PRELID2: variants seen among roughly 807,000 people sequenced by gnomAD.
PRELID2 encodes the protein PRELI domain containing 2.
In PRELID2, 25 loss-of-function variants were observed where a neutral mutation model predicts 28.4. The observed-to-expected ratio is 0.88, with a 90% CI of 0.64 to 1.23. The LOEUF (loss-of-function observed/expected upper bound fraction) is 1.23, where lower values mean the gene tolerates loss of function less well. PRELID2 is among the 50% of genes most tolerant of loss of function. The probability of loss-of-function intolerance (pLI) is 0.00; values close to 1 mark genes in which losing one functional copy is unlikely to be tolerated. For missense variants in PRELID2, 201 were observed against 214.4 expected (o/e 0.94, Z 0.39); for synonymous variants, 76 against 71.6 (o/e 1.06, Z -0.31).
chr5:145,263,296 T>C, the PRELID2 span, among the ~76,000 whole-genome samples: 5 of 151,928 alleles, frequency 3.3e-5, no homozygotes, highest in Non-Finnish European at 5.9e-5. Flanking sequence ...GTCAACATGG[T>C]ATAAAAGAAA....
At chr5:145,420,048 C>T in the PRELID2 span, among the ~76,000 whole-genome samples, 3 of 150,148 alleles carry the variant, frequency 2.0e-5, no homozygotes, top group Admixed American at 6.6e-5. Context: ...TGTAGATATG[C>T]GGCATTATTT....
chr5:145,499,717 T>G (rs1420789444), intron 1 of PRELID2, among the ~76,000 whole-genome samples: 1 of 152,212 alleles, frequency 6.6e-6, no homozygotes, highest in Non-Finnish European at 1.5e-5. Context: ...GTACCTTCTG[T>G]GTTCTAGGAG....
chr5:145,251,151 G>A, the PRELID2 span, among the ~76,000 whole-genome samples: 1 of 151,944 alleles, frequency 6.6e-6, no homozygotes, highest in Non-Finnish European at 1.5e-5. Flanking sequence ...TTTTCTTGAT[G>A]ACCCCAGTAG....
chr5:145,666,924 C>G (rs1464801576), intron 1 of PRELID2, among the ~76,000 whole-genome samples: 1 of 151,972 alleles, frequency 6.6e-6, no homozygotes, highest in Non-Finnish European at 1.5e-5. Flanking sequence ...ATGGCTTATA[C>G]GTGACCAATT....
At chr5:145,272,265 G>A in the PRELID2 span, among the ~76,000 whole-genome samples, 10,717 of 152,112 alleles carry the variant, frequency 0.07, 1,211 homozygotes, top group African/African-American at 0.24. Context: ...TAAGATAGAC[G>A]TCATGGGACT....
At chr5:145,343,250 T>C in the PRELID2 span, among the ~76,000 whole-genome samples, 1 of 151,952 alleles carries the variant, frequency 6.6e-6, no homozygotes, top group Non-Finnish European at 1.5e-5. Context: ...GAACATTCTC[T>C]TAGATAGGCC....
intron 1 of PRELID2, among the ~76,000 whole-genome samples, chr5:145,599,042 C>T (rs1463961398): frequency 6.6e-6 from 1 of 152,104 alleles, no homozygotes; most frequent in African/African-American, 2.4e-5. Context: ...GGTTGTTACC[C>T]TTTCAACTAA....
chr5:145,679,098 C>T (rs1199150489), intron 1 of PRELID2, among the ~76,000 whole-genome samples: 2 of 152,210 alleles, frequency 1.3e-5, no homozygotes, highest in Admixed American at 1.3e-4. Flanking sequence ...GAAAGGCTCT[C>T]TGGACTTCAG....
the PRELID2 span, among the ~76,000 whole-genome samples, chr5:145,375,424 C>A: frequency 6.6e-6 from 1 of 152,156 alleles, no homozygotes; most frequent in East Asian, 1.9e-4. Flanking sequence ...GGGTGTCTGA[C>A]AATCCTTGTT....
the PRELID2 span, among the ~76,000 whole-genome samples, chr5:145,431,006 GTTTTT>G: frequency 3.6e-5 from 2 of 55,538 alleles, no homozygotes; most frequent in African/African-American, 1.2e-4. Context: ...CCTGGCAATG[GTTTTT>G]TTTTTTTTTT....
At chr5:145,581,295 C>T (rs1438515929) in intron 1 of PRELID2, among the ~76,000 whole-genome samples, 3 of 152,050 alleles carry the variant, frequency 2.0e-5, no homozygotes, top group African/African-American at 7.2e-5. Flanking sequence ...TTGTCAATAT[C>T]ATCACACATT....
At chr5:145,543,417 C>T (rs1228901129) in intron 1 of PRELID2, among the ~76,000 whole-genome samples, 3 of 152,066 alleles carry the variant, frequency 2.0e-5, no homozygotes, top group African/African-American at 7.2e-5. Flanking sequence ...ATATATTATA[C>T]ATGGATTTTT....
the PRELID2 span, among the ~76,000 whole-genome samples, chr5:145,342,902 T>TAAAAAAA: frequency 1.6e-5 from 2 of 128,960 alleles, no homozygotes; most frequent in African/African-American, 2.9e-5. Flanking sequence ...TCAAAAACAG[T>TAAAAAAA]AAAAAAAAAA....
At chr5:145,562,516 C>T (rs1752932894) in intron 1 of PRELID2, among the ~76,000 whole-genome samples, 1 of 152,138 alleles carries the variant, frequency 6.6e-6, no homozygotes, top group South Asian at 2.1e-4. Context: ...TGCTTTGGTG[C>T]ACCCATTGCC....
At chr5:145,296,364 C>T in the PRELID2 span, among the ~76,000 whole-genome samples, 3 of 137,140 alleles carry the variant, frequency 2.2e-5, no homozygotes, top group Non-Finnish European at 4.6e-5. Flanking sequence ...ACAACAGTCC[C>T]CAGAGTGTGA....
At chr5:145,578,089 T>A (rs1753076603) in intron 1 of PRELID2, among the ~76,000 whole-genome samples, 2 of 152,162 alleles carry the variant, frequency 1.3e-5, no homozygotes, top group African/African-American at 4.8e-5. Flanking sequence ...TGCCAGTTGC[T>A]ACATCAGCTT....
chr5:145,404,481 C>T, the PRELID2 span, among the ~76,000 whole-genome samples: 1 of 152,162 alleles, frequency 6.6e-6, no homozygotes, highest in African/African-American at 2.4e-5. Flanking sequence ...GCAGAGTGAA[C>T]ACCAAGGTGA....
chr5:145,231,548 TA>T, the PRELID2 span, among the ~76,000 whole-genome samples: 110 of 152,316 alleles, frequency 7.2e-4, no homozygotes, highest in African/African-American at 2.4e-3. Flanking sequence ...ACAGTTTGTA[TA>T]AATAAATAAT....
At chr5:145,468,540 A>T (rs1752023762), downstream of PRELID2, among the ~76,000 whole-genome samples, 1 of 152,168 alleles carries the variant, frequency 6.6e-6, no homozygotes, top group African/African-American at 2.4e-5. Context: ...CCTATAGTGT[A>T]AAAGTGTTTC....
Sources: allele counts gnomAD v4.1 joint callset (sites outside exome capture counted in the v4.1 genomes callset), GRCh38; gene constraint gnomAD v4.1.1; transcripts MANE v1.5; gene names NCBI Gene and HGNC (gene_info 2026-07-23, HGNC 2026-07-21).